ZNF596: variants seen among roughly 807,000 people sequenced by gnomAD.
ZNF596 encodes zinc finger protein 596.
A neutral mutation model predicts 48.3 loss-of-function variants in ZNF596; 45 were observed. That is an observed-to-expected ratio of 0.93 (90% CI 0.73 to 1.19). The LOEUF is 1.19. ZNF596 is among the 50% of genes most tolerant of loss of function. The pLI is 0.00. For synonymous variants in ZNF596, 270 were observed against 202.0 expected, an observed-to-expected ratio of 1.34 and a Z score of -2.85; for missense variants, 848 against 599.7, an observed-to-expected ratio of 1.41 and a Z score of -4.32.
intron 1 of ZNF596, among the ~76,000 whole-genome samples, chr8:238,343 T>C (rs2117078213): frequency 6.6e-6 from 1 of 152,130 alleles, no homozygotes; most frequent in Non-Finnish European, 1.5e-5. Context: ...AATATGCATT[T>C]CGTGTCCCAG....
Position 243,742 on chromosome 8 carries a change from G to T in ZNF596, c.160G>T (p.Val54Phe). The T allele has an allele frequency of 6.2e-7, 1 of 1,613,728 alleles. No homozygotes were observed. The highest frequency in any genetic ancestry group is 8.5e-7 in the Non-Finnish European group (1 of 1,179,758). The stretch of plus-strand genomic sequence containing the variant: ...AACAGGCAAACAGCTCTGCAAATCA[G>T]TTGTGCTTTCCCAATTGGAGCAAGT... Reference protein sequence around the residue: ...VSIGKQLCKSVVLSQLEQVEK... With the variant: ...VSIGKQLCKSFVLSQLEQVEK... Residue 54 changes from valine to phenylalanine, a missense_variant, in exon 4 of 6, where the codon GTT (valine) becomes TTT (phenylalanine). Transcript: ENST00000398612.
At position 246,465 on chromosome 8, in the gene ZNF596, C is replaced by T. The variant is rs949792231; in HGVS notation, c.*103C>T. ...TGGAAAAGCCTTTATTTATATTTAC[C>T]ACTTTGCTCAACCTAAATGAATTCA... On this transcript the variant is annotated 3_prime_UTR_variant, in exon 6 of 6. Coordinates refer to ENST00000398612, the MANE Select transcript of ZNF596 (RefSeq NM_001042416.3). 3 of 1,423,244 alleles carry T rather than the reference C, an allele frequency of 2.1e-6. No individual in the cohort carries two copies. The highest frequency in any genetic ancestry group is 2.3e-5 in the East Asian group (1 of 43,560). 88.2% of individuals were successfully genotyped at this position (1,423,244 alleles called of 1,614,324 possible). A position where few individuals can be genotyped will look rare whatever the true frequency, so the allele number is the denominator to read the frequency against.
At chr8:234,073 G>C (rs1250254090) in intron 1 of ZNF596, among the ~76,000 whole-genome samples, 2 of 152,194 alleles carry the variant, frequency 1.3e-5, no homozygotes, top group African/African-American at 4.8e-5. Context: ...TCTTTCTAAT[G>C]AGGAGGAGGT....
At chr8:242,801 T>C (rs1265607101) in intron 2 of ZNF596, 86 bp from the exon 3 acceptor site, 1 of 1,284,222 alleles carries the variant, frequency 7.8e-7, no homozygotes, top group Non-Finnish European at 1.0e-6. Context: ...CCACCCACAC[T>C]TCCTTAGTAC....
chr8:241,293 G>C (rs997773985), intron 2 of ZNF596, among the ~76,000 whole-genome samples: 2 of 152,116 alleles, frequency 1.3e-5, no homozygotes, highest in South Asian at 4.1e-4. Context: ...ATAAGTGAGA[G>C]CAGGTTATAG....
chr8:242,753 C>A, intron 2 of ZNF596, 134 bp from the exon 3 acceptor site: 2 of 751,590 alleles, frequency 2.7e-6, no homozygotes, highest in Non-Finnish European at 3.8e-6. Context: ...AGCAATGTGA[C>A]AGGAACCCCA....
In ZNF596 at chr8:246,356, T is replaced by C. The variant is rs1245749075; in HGVS notation, c.1509T>C (p.Asn503=). Residue 503 remains asparagine, a synonymous_variant, in exon 6 of 6, where the codon AAT becomes AAC. Transcript: ENST00000398612. The part of the protein sequence containing the change: ...HERTHTKKAM[N]M ...GAACTCACACTAAAAAAGCAATGAATATGTAAGAATCATCAGCTGTAGCGT... is the reference window on the plus strand; with the variant it reads ...GAACTCACACTAAAAAAGCAATGAACATGTAAGAATCATCAGCTGTAGCGT... 6.3e-7 allele frequency: 1 copy of C among 1,579,436 alleles called. No individual in the cohort carries two copies. The highest frequency in any genetic ancestry group is 1.4e-5 in the African/African-American group (1 of 73,116).
At chr8:233,366 T>G in intron 1 of ZNF596, 1 of 332,610 alleles carries the variant, frequency 3.0e-6, no homozygotes, top group South Asian at 2.7e-5. Flanking sequence ...ATTTATTGTG[T>G]CAGGTTCAGC....
At chr8:244,577 C>A in intron 4 of ZNF596, 42 bp from the exon 5 acceptor site, 1 of 1,410,812 alleles carries the variant, frequency 7.1e-7, no homozygotes, top group Non-Finnish European at 1.0e-6. Flanking sequence ...TTTTTATTCC[C>A]CTAATGCCTA....
At position 245,576 on chromosome 8, in the gene ZNF596, A is replaced by T. The variant is rs1290723208; in HGVS notation, c.729A>T (p.Arg243Ser). 4 of 1,614,036 alleles carry T rather than the reference A, an allele frequency of 2.5e-6. No individual in the cohort carries two copies. The highest frequency in any genetic ancestry group is 3.4e-6 in the Non-Finnish European group (4 of 1,180,004). Residue 243 changes from arginine to serine, a missense_variant, in exon 6 of 6, where the codon AGA (arginine) becomes AGT (serine). By Grantham distance (110) the Arg-to-Ser change is moderately radical. Transcript: ENST00000398612. The stretch of plus-strand genomic sequence containing the variant: ...GCTCTGATCTTCGAAAACATGAGAG[A>T]ACTCACACTGGAGAGAAGCCATATG... ...THCSDLRKHE[R>S]THTGEKPYGC... is the part of the protein sequence containing the mutation.
chr8:240,974 C>G, intron 2 of ZNF596, 67 bp downstream of exon 2: 3 of 1,582,068 alleles, frequency 1.9e-6, no homozygotes, highest in Middle Eastern at 1.7e-4. Flanking sequence ...GCAGATTCAT[C>G]CTATTAACAT....
intron 3 of ZNF596, 64 bp downstream of exon 3, chr8:243,077 G>A (rs756040933): frequency 6.7e-7 from 1 of 1,482,270 alleles, no homozygotes. Flanking sequence ...ATTTTTCACT[G>A]ATTCATTCTT....
rs1332183557 is a variant in ZNF596 at position 242,906 on chromosome 8, A to G, written c.32A>G (p.Asp11Gly). Residue 11 changes from aspartate (D) to glycine (G), a missense_variant, in exon 3 of 6, where the codon GAT (aspartate) becomes GGT (glycine). Coordinates refer to ENST00000398612, the MANE Select transcript of ZNF596 (RefSeq NM_001042416.3). MPSPDSMTFE[D>G]IIVDFTQEEW... Reference sequence around the variant, plus strand: ...TTTTAGGATTCCATGACCTTCGAGGATATCATTGTAGACTTCACTCAAGAA... The same window carrying G: ...TTTTAGGATTCCATGACCTTCGAGGGTATCATTGTAGACTTCACTCAAGAA... 1.3e-6 allele frequency: 2 copies of G among 1,577,300 alleles called. No individual in the cohort carries two copies. The highest frequency in any genetic ancestry group is 1.4e-5 in the African/African-American group (1 of 73,798).
intron 1 of ZNF596, chr8:236,998 T>C (rs1796643279): frequency 6.6e-6 from 1 of 152,230 alleles, no homozygotes; most frequent in African/African-American, 2.4e-5. Context: ...GTAAGAACTC[T>C]CACAAATCAC....
intron 1 of ZNF596, 32 bp from the exon 2 acceptor site, chr8:240,792 G>C (rs1330769248): frequency 1.3e-5 from 19 of 1,466,330 alleles, no homozygotes; most frequent in Non-Finnish European, 1.6e-5. Context: ...GAGTGTCATG[G>C]TTTTTTTGTT....
chr8:232,588 T>G lies in ZNF596; in HGVS notation c.-179T>G. On this transcript the variant is annotated 5_prime_UTR_variant, in exon 1 of 6. Coordinates refer to ENST00000398612, the MANE Select transcript of ZNF596 (RefSeq NM_001042416.3). Reference sequence around the variant, plus strand: ...AATGCTCCGAAGCCTGTCGCCCAGCTGCCAGATCTGCGTCTGTGTCCGGTT... The same window carrying G: ...AATGCTCCGAAGCCTGTCGCCCAGCGGCCAGATCTGCGTCTGTGTCCGGTT... 1 of 321,970 alleles carries G rather than the reference T, an allele frequency of 3.1e-6. No homozygotes were observed. Among genetic ancestry groups the G allele is most frequent in the Admixed American group, 5.0e-5 (1 of 20,172 alleles). The allele number at this position is 321,970 out of a possible 1,614,324, so 19.9% of individuals were successfully genotyped here.
At chr8:244,062 C>A (rs1050335185) in intron 4 of ZNF596, 5 of 258,174 alleles carry the variant, frequency 1.9e-5, no homozygotes, top group Non-Finnish European at 3.7e-5. Flanking sequence ...TAATTTTTTT[C>A]TATTTTTAAT....
At position 232,464 on chromosome 8, in the gene ZNF596, T is replaced by C. The variant is rs1278032603; in HGVS notation, c.-303T>C. The stretch of plus-strand genomic sequence containing the variant: ...GCCAAACCCAGCCACGCAGTTCCCT[T>C]CCTGCGGCGTCCTCCACACCCGGGG... On this transcript the variant is annotated 5_prime_UTR_variant, in exon 1 of 6. Transcript: ENST00000398612. 74 of 281,540 alleles carry C rather than the reference T, an allele frequency of 2.6e-4. No individual in the cohort carries two copies. Among genetic ancestry groups the C allele is most frequent in the African/African-American group, 1.5e-3 (63 of 43,002 alleles). 17.4% of individuals were successfully genotyped at this position (281,540 alleles called of 1,614,324 possible). A position where few individuals can be genotyped will look rare whatever the true frequency, so the allele number is the denominator to read the frequency against.
chr8:236,185 G>A (rs1358925583), intron 1 of ZNF596, among the ~76,000 whole-genome samples: 1 of 152,238 alleles, frequency 6.6e-6, no homozygotes, highest in African/African-American at 2.4e-5. Flanking sequence ...ATATTTGCCT[G>A]TTGTAAATAG....
Sources: gnomAD v4.1 joint callset for allele counts (sites outside exome capture counted in the v4.1 genomes callset) on GRCh38, gnomAD v4.1.1 for gene constraint, MANE v1.5 for transcripts, NCBI Gene and HGNC (gene_info 2026-07-23, HGNC 2026-07-21) for gene names.